SUSD1: variants seen among roughly 807,000 people sequenced by gnomAD.
SUSD1 encodes the protein sushi domain containing 1.
In SUSD1, 65 loss-of-function variants were observed where a neutral mutation model predicts 86.9. The observed-to-expected ratio is 0.75, with a 90% CI of 0.61 to 0.92. SUSD1 has a LOEUF of 0.92. Among genes scored for constraint, SUSD1 ranks in the 40% least tolerant of loss-of-function variants. The pLI is 0.00. For synonymous variants in SUSD1, 346 were observed against 350.0 expected, an observed-to-expected ratio of 0.99 and a Z score of 0.13; for missense variants, 850 against 929.7, an observed-to-expected ratio of 0.91 and a Z score of 1.11.
At chr9:112,152,402 T>G (rs1229313665) in intron 2 of SUSD1, among the ~76,000 whole-genome samples, 1 of 151,622 alleles carries the variant, frequency 6.6e-6, no homozygotes, top group Non-Finnish European at 1.5e-5. Flanking sequence ...GTTTTTTTTG[T>G]TTTTTGTTTT....
At chr9:112,103,184 T>C in intron 8 of SUSD1, 2 of 457,498 alleles carry the variant, frequency 4.4e-6, no homozygotes, top group Non-Finnish European at 8.9e-6. Flanking sequence ...ATGAGAACAA[T>C]AAATTATTTT....
In SUSD1 at chr9:112,166,410, A is replaced by G. The variant is rs146079509; in HGVS notation, c.103+8723T>C. On this transcript the variant is annotated intron_variant, in intron 1 of 16. Transcript: ENST00000374270. ...ATCCTGTTAAAACACAGTGTCCCCA[A>G]AGATTCTGATTCAGTAGGGGAGAGG... Among the ~76,000 whole-genome samples the G allele has an allele frequency of 1.6e-4, 24 of 152,286 alleles. No individual in the cohort carries two copies. The East Asian group carries it at 4.4e-3, about 28-fold the overall frequency.
At chr9:112,068,641 G>T (rs942409996) in intron 12 of SUSD1, among the ~76,000 whole-genome samples, 1 of 150,866 alleles carries the variant, frequency 6.6e-6, no homozygotes, top group East Asian at 1.9e-4. Flanking sequence ...GGCAGAGGTT[G>T]CAGTGAGCCA....
chr9:112,131,468 A>C (rs1832031117), intron 5 of SUSD1, among the ~76,000 whole-genome samples: 1 of 152,180 alleles, frequency 6.6e-6, no homozygotes, highest in Non-Finnish European at 1.5e-5. Context: ...TATGTATGAC[A>C]TTATAGTCTG....
At chr9:112,159,513 G>C (rs1305517836) in intron 1 of SUSD1, among the ~76,000 whole-genome samples, 2 of 152,132 alleles carry the variant, frequency 1.3e-5, no homozygotes, top group Non-Finnish European at 2.9e-5. Flanking sequence ...AGACCGTAAA[G>C]ACAAATGCAA....
chr9:112,058,902 T>A (rs1451381038), intron 13 of SUSD1, among the ~76,000 whole-genome samples: 1 of 152,204 alleles, frequency 6.6e-6, no homozygotes, highest in Non-Finnish European at 1.5e-5. Flanking sequence ...CAAGCAATTC[T>A]CCTGCCTCAG....
intron 3 of SUSD1, among the ~76,000 whole-genome samples, chr9:112,145,047 G>A (rs752799731): frequency 6.6e-6 from 1 of 151,982 alleles, no homozygotes; most frequent in Non-Finnish European, 1.5e-5. Flanking sequence ...TTCAAGGCCG[G>A]CCTGGGCAAC....
At chr9:112,064,048 G>T (rs866564475) in intron 12 of SUSD1, among the ~76,000 whole-genome samples, 2,492 of 86,924 alleles carry the variant, frequency 0.029, 58 homozygotes, top group African/African-American at 0.093. Context: ...TCTTTTTTTG[G>T]GGGGGGGGCG....
chr9:112,067,032 A>G (rs1432701742), intron 12 of SUSD1, among the ~76,000 whole-genome samples: 1 of 152,082 alleles, frequency 6.6e-6, no homozygotes, highest in African/African-American at 2.4e-5. Flanking sequence ...ATACACCACC[A>G]TGCACAGCTA....
At chr9:112,170,027 A>T (rs76639225) in intron 1 of SUSD1, among the ~76,000 whole-genome samples, 1 of 152,118 alleles carries the variant, frequency 6.6e-6, no homozygotes, top group Non-Finnish European at 1.5e-5. Context: ...TCTCTTCTGC[A>T]GAGCTGAGGC....
At chr9:112,172,998 A>G (rs1834109624) in intron 1 of SUSD1, among the ~76,000 whole-genome samples, 1 of 152,060 alleles carries the variant, frequency 6.6e-6, no homozygotes, top group African/African-American at 2.4e-5. Context: ...CACCCCCAAA[A>G]CCTTTAGTTA....
chr9:112,077,989 G>C (rs1829592115), intron 12 of SUSD1, among the ~76,000 whole-genome samples: 1 of 151,962 alleles, frequency 6.6e-6, no homozygotes, highest in African/African-American at 2.4e-5. Flanking sequence ...TTTGTTTCAG[G>C]TATCTTCCCC....
chr9:112,070,927 C>T (rs1829240397), intron 12 of SUSD1, among the ~76,000 whole-genome samples: 1 of 152,102 alleles, frequency 6.6e-6, no homozygotes. Context: ...TAAATTTAGC[C>T]TCATATCAGA....
At chr9:112,149,446 G>T in intron 2 of SUSD1, 47 bp from the exon 3 acceptor site, 1 of 1,597,838 alleles carries the variant, frequency 6.3e-7, no homozygotes, top group Non-Finnish European at 8.5e-7. Flanking sequence ...AATCCACACC[G>T]ACTTCAACAG....
intron 9 of SUSD1, among the ~76,000 whole-genome samples, chr9:112,101,834 G>A (rs2004896): frequency 0.14 from 21,381 of 152,068 alleles, 1,912 homozygotes; most frequent in East Asian, 0.29. Flanking sequence ...CAACAAGAGC[G>A]AAACTCAGTC....
intron 1 of SUSD1, among the ~76,000 whole-genome samples, chr9:112,170,710 T>TATATATATATATATAGAGAGAG (rs758442726): frequency 2.6e-5 from 3 of 113,794 alleles, no homozygotes; most frequent in African/African-American, 1.1e-4. Flanking sequence ...TATATATATA[T>TATATATATATATATAGAGAGAG]AGAGAGAGAG....
intron 2 of SUSD1, among the ~76,000 whole-genome samples, chr9:112,152,589 T>A (rs2131801902): frequency 1.0e-5 from 1 of 96,440 alleles, no homozygotes; most frequent in Non-Finnish European, 2.1e-5. Context: ...TTTTTTTTTG[T>A]ACAGATGGAG....
intron 1 of SUSD1, among the ~76,000 whole-genome samples, chr9:112,157,824 CTTTT>C (rs72322597): frequency 1.1e-4 from 15 of 136,882 alleles, no homozygotes; most frequent in Non-Finnish European, 1.2e-4. Flanking sequence ...TTCTTTCTTT[CTTTT>C]TTTTTTTTTT....
At chr9:112,145,483 T>C (rs1439358027) in intron 3 of SUSD1, among the ~76,000 whole-genome samples, 2 of 152,050 alleles carry the variant, frequency 1.3e-5, no homozygotes, top group South Asian at 2.1e-4. Flanking sequence ...GGTTTCACCA[T>C]GTTGGCCAGG....
Sources: allele counts gnomAD v4.1 joint callset (sites outside exome capture counted in the v4.1 genomes callset), GRCh38; gene constraint gnomAD v4.1.1; transcripts MANE v1.5; gene names NCBI Gene and HGNC (gene_info 2026-07-23, HGNC 2026-07-21).